Variants in CYP2J2 observed in about 807,000 individuals in gnomAD.
The protein encoded by CYP2J2 is cytochrome P450 2J2.
Under a neutral mutation model 48.8 loss-of-function variants are expected in CYP2J2, and 41 were observed. That is an observed-to-expected ratio of 0.84 (90% confidence interval 0.66 to 1.09). CYP2J2 has a LOEUF of 1.09. Ranked by LOEUF, CYP2J2 falls within the 50% of genes least tolerant of loss-of-function variation. CYP2J2 has a pLI of 0.00. For synonymous variants in CYP2J2, 221 were observed against 227.1 expected (o/e 0.97, Z 0.24); for missense variants, 644 against 617.3 (o/e 1.04, Z -0.46).
At chr1:59,944,030 G>A in the CYP2J2 span, among the ~76,000 whole-genome samples, 1 of 152,164 alleles carries the variant, frequency 6.6e-6, no homozygotes, top group African/African-American at 2.4e-5. Flanking sequence ...TGTACAAATT[G>A]TTGCTTGCTT....
At chr1:59,968,020 G>C in the CYP2J2 span, among the ~76,000 whole-genome samples, 22 of 152,226 alleles carry the variant, frequency 1.4e-4, no homozygotes, top group Middle Eastern at 6.8e-3. Flanking sequence ...AGAATTCTCT[G>C]TTCTTCCAGA....
the CYP2J2 span, among the ~76,000 whole-genome samples, chr1:59,939,081 G>A: frequency 9.1e-4 from 138 of 152,314 alleles, no homozygotes; most frequent in African/African-American, 3.2e-3. Context: ...CAATTGTTTA[G>A]GGTACAGGTC....
rs892455512 is a variant in CYP2J2 at position 59,912,138 on chromosome 1, A to G, written c.523+24T>C. 21 of 1,599,538 alleles carry G rather than the reference A, an allele frequency of 1.3e-5. No homozygotes were observed. In the African/African-American group the frequency reaches 1.5e-4, roughly 11 times the overall value. On this transcript the variant is annotated intron_variant, in intron 3 of 8. Coordinates refer to ENST00000371204, the MANE Select transcript of CYP2J2 (RefSeq NM_000775.4). The stretch of plus-strand genomic sequence containing the variant: ...ATGAACAAATGGGCCACAGTCTCTC[A>G]CCTCTGTCATATGCAATGCTCACCG...
intron 4 of CYP2J2, 36 bp from the exon 5 acceptor site, chr1:59,909,996 A>C (rs1034993602): frequency 6.6e-7 from 1 of 1,512,548 alleles, no homozygotes; most frequent in Non-Finnish European, 9.0e-7. Flanking sequence ...TGCAGATAAC[A>C]TGGTGCCATT....
chr1:59,945,249 C>T, the CYP2J2 span, among the ~76,000 whole-genome samples: 63 of 152,162 alleles, frequency 4.1e-4, no homozygotes, highest in African/African-American at 1.5e-3. Context: ...ATATTTTTGG[C>T]CCATCTGACA....
the CYP2J2 span, among the ~76,000 whole-genome samples, chr1:59,939,549 A>T: frequency 6.6e-6 from 1 of 152,114 alleles, no homozygotes; most frequent in Non-Finnish European, 1.5e-5. Flanking sequence ...CTATCCCAGC[A>T]CTGGATCTCA....
chr1:59,955,477 G>A, the CYP2J2 span, among the ~76,000 whole-genome samples: 13 of 151,850 alleles, frequency 8.6e-5, no homozygotes, highest in Non-Finnish European at 1.3e-4. Flanking sequence ...TTAATCTAAG[G>A]GGACATTTTG....
upstream of CYP2J2, chr1:59,926,843 TC>T: frequency 8.7e-7 from 1 of 1,146,826 alleles, no homozygotes. Context: ...GTGCCCCGCC[TC>T]CCAGCCCGCC....
intron 8 of CYP2J2, among the ~76,000 whole-genome samples, chr1:59,900,444 C>G (rs559602692): frequency 6.6e-6 from 1 of 152,280 alleles, no homozygotes; most frequent in Middle Eastern, 3.4e-3. Flanking sequence ...ACCAGCCTGG[C>G]CAACATGGTG....
At chr1:59,934,573 A>G in the CYP2J2 span, among the ~76,000 whole-genome samples, 6 of 152,144 alleles carry the variant, frequency 3.9e-5, no homozygotes, top group African/African-American at 1.4e-4. Flanking sequence ...TACTAAGGAA[A>G]CATACAAGTG....
intron 1 of CYP2J2, among the ~76,000 whole-genome samples, chr1:59,918,504 G>A (rs996103520): frequency 6.6e-5 from 10 of 152,170 alleles, no homozygotes; most frequent in African/African-American, 1.9e-4. Context: ...GTTTAAACAC[G>A]GGGTAGGAGC....
chr1:59,920,218 TAA>T (rs1157036174), intron 1 of CYP2J2, among the ~76,000 whole-genome samples: 1 of 148,796 alleles, frequency 6.7e-6, no homozygotes, highest in Non-Finnish European at 1.5e-5. Context: ...ACAATGATAA[TAA>T]AAAACATGTA....
chr1:59,915,841 C>T, intron 2 of CYP2J2, 97 bp downstream of exon 2: 1 of 1,218,388 alleles, frequency 8.2e-7, no homozygotes. Flanking sequence ...GGGCTGGTTT[C>T]TAGGAGTGTT....
the CYP2J2 span, among the ~76,000 whole-genome samples, chr1:59,951,490 A>C: frequency 6.6e-6 from 1 of 152,210 alleles, no homozygotes; most frequent in African/African-American, 2.4e-5. Context: ...TAATATTTTA[A>C]TCAATATATG....
intron 2 of CYP2J2, among the ~76,000 whole-genome samples, chr1:59,915,664 G>A (rs1008519849): frequency 2.0e-5 from 3 of 152,104 alleles, no homozygotes; most frequent in Non-Finnish European, 4.4e-5. Context: ...GCTATAAATG[G>A]GTAACATGGT....
chr1:59,915,874 G>A, intron 2 of CYP2J2, 64 bp downstream of exon 2: 1 of 1,475,132 alleles, frequency 6.8e-7, no homozygotes, highest in Non-Finnish European at 9.2e-7. Flanking sequence ...TCACCAAGGT[G>A]CCTTTAACAG....
Position 59,909,976 on chromosome 1 carries a change from A to C in CYP2J2, c.685-16T>G. 1 of 1,587,792 alleles carries C rather than the reference A, an allele frequency of 6.3e-7. No individual in the cohort carries two copies. On this transcript the variant is annotated splice_polypyrimidine_tract_variant and intron_variant, in intron 4 of 8. Coordinates refer to ENST00000371204, the MANE Select transcript of CYP2J2 (RefSeq NM_000775.4). ...CATTGTAGAGCTAATTGAGAAAAAC[A>C]AAACAATCATGCAGATAACATGGTG...
At chr1:59,938,570 A>G in the CYP2J2 span, among the ~76,000 whole-genome samples, 1 of 152,164 alleles carries the variant, frequency 6.6e-6, no homozygotes, top group African/African-American at 2.4e-5. Flanking sequence ...CTCGCCTCCC[A>G]CCATAGGGCG....
chr1:59,951,384 G>C, the CYP2J2 span, among the ~76,000 whole-genome samples: 1 of 152,044 alleles, frequency 6.6e-6, no homozygotes, highest in East Asian at 1.9e-4. Flanking sequence ...TAGTCCTACA[G>C]CTTAAACTTT....
Sources: gnomAD v4.1 joint callset for allele counts (sites outside exome capture counted in the v4.1 genomes callset) on GRCh38, gnomAD v4.1.1 for gene constraint, MANE v1.5 for transcripts, NCBI Gene and HGNC (gene_info 2026-07-23, HGNC 2026-07-21) for gene names.